Variants in ADK observed in about 807,000 individuals in gnomAD.
The protein encoded by ADK is N6,N6-dimethyladenosine kinase.
In ADK, 24 loss-of-function variants were observed where a neutral mutation model predicts 44.7. The ratio of observed to expected loss-of-function variants is 0.54; its 90% CI spans 0.39 to 0.76. The LOEUF (loss-of-function observed/expected upper bound fraction) is 0.76. Ranked by LOEUF, ADK falls within the 30% of genes least tolerant of loss-of-function variation. The probability of loss-of-function intolerance (pLI) is 0.00; values close to 1 mark genes in which losing one functional copy is unlikely to be tolerated. For synonymous variants in ADK, 128 were observed against 142.6 expected (o/e 0.90, Z 0.73); for missense variants, 321 against 425.1 (o/e 0.76, Z 2.15).
intron 4 of ADK, among the ~76,000 whole-genome samples, chr10:74,354,640 G>C (rs139569487): frequency 1.1e-4 from 17 of 152,250 alleles, no homozygotes; most frequent in African/African-American, 3.6e-4. Flanking sequence ...CGACCACCAG[G>C]TTTGGTGGGA....
At chr10:74,282,883 T>A (rs1156463835) in intron 3 of ADK, among the ~76,000 whole-genome samples, 3 of 152,192 alleles carry the variant, frequency 2.0e-5, no homozygotes, top group Non-Finnish European at 2.9e-5. Context: ...TGGTGTAGAA[T>A]GTATTTTTCC....
intron 3 of ADK, among the ~76,000 whole-genome samples, chr10:74,301,597 T>TAA (rs1840034443): frequency 6.6e-6 from 1 of 151,970 alleles, no homozygotes; most frequent in Admixed American, 6.6e-5. Context: ...TTCTTCTCAT[T>TAA]ACTAAACCTG....
chr10:74,413,389 A>G (rs1295848579), intron 6 of ADK, among the ~76,000 whole-genome samples: 1 of 152,224 alleles, frequency 6.6e-6, no homozygotes, highest in East Asian at 1.9e-4. Flanking sequence ...TTCATCAATG[A>G]TGTTGGCAAG....
chr10:74,372,345 A>G (rs1210656492), intron 4 of ADK: 5 of 746,850 alleles, frequency 6.7e-6, no homozygotes, highest in East Asian at 2.5e-5. Flanking sequence ...TGAGCCTGCC[A>G]CGGAAGGCTG....
intron 4 of ADK, among the ~76,000 whole-genome samples, chr10:74,375,666 G>A (rs1842797137): frequency 6.6e-6 from 1 of 151,984 alleles, no homozygotes; most frequent in African/African-American, 2.4e-5. Flanking sequence ...TTTTTAAACT[G>A]CTGGTCCTAC....
At chr10:74,432,653 C>T (rs1845042551) in intron 6 of ADK, among the ~76,000 whole-genome samples, 1 of 152,124 alleles carries the variant, frequency 6.6e-6, no homozygotes, top group African/African-American at 2.4e-5. Flanking sequence ...TCTATAACGT[C>T]TGTTACTTAT....
intron 4 of ADK, among the ~76,000 whole-genome samples, chr10:74,322,819 C>T (rs1465738484): frequency 6.6e-6 from 1 of 151,602 alleles, no homozygotes; most frequent in Non-Finnish European, 1.5e-5. Context: ...TTTCCCTTCT[C>T]CTCCTACCCT....
chr10:74,470,819 G>T (rs1294540464), intron 6 of ADK, among the ~76,000 whole-genome samples: 1 of 151,390 alleles, frequency 6.6e-6, no homozygotes, highest in Admixed American at 6.6e-5. Flanking sequence ...TCCTTTTGTT[G>T]CCCATGCTTT....
At chr10:74,259,581 C>T (rs1187912369) in intron 3 of ADK, among the ~76,000 whole-genome samples, 1 of 151,418 alleles carries the variant, frequency 6.6e-6, no homozygotes, top group Admixed American at 6.6e-5. Context: ...CTCAGCCTCC[C>T]AAGTAGCTGG....
intron 3 of ADK, among the ~76,000 whole-genome samples, chr10:74,237,740 T>C (rs10824125): frequency 0.17 from 25,988 of 152,152 alleles, 2,598 homozygotes; most frequent in African/African-American, 0.28. Flanking sequence ...GAAAACAGCA[T>C]TCATCTCCTT....
chr10:74,403,704 G>T (rs1843799500), intron 6 of ADK, among the ~76,000 whole-genome samples: 1 of 152,130 alleles, frequency 6.6e-6, no homozygotes, highest in Non-Finnish European at 1.5e-5. Context: ...CCCAGGTGAA[G>T]CGATGCCCCG....
chr10:74,677,813 T>G (rs1051096479), intron 10 of ADK, among the ~76,000 whole-genome samples: 1 of 151,412 alleles, frequency 6.6e-6, no homozygotes, highest in African/African-American at 2.4e-5. Context: ...AAATGAACAG[T>G]GAAATTGGCT....
chr10:74,388,035 A>AG (rs1205452386), intron 4 of ADK, among the ~76,000 whole-genome samples: 2 of 151,744 alleles, frequency 1.3e-5, no homozygotes, highest in African/African-American at 4.8e-5. Context: ...CAGCCTCCTG[A>AG]GTAGCTGGGA....
At chr10:74,669,858 T>C (rs886883801) in intron 9 of ADK, among the ~76,000 whole-genome samples, 1 of 152,192 alleles carries the variant, frequency 6.6e-6, no homozygotes, top group African/African-American at 2.4e-5. Flanking sequence ...CAACACTTCC[T>C]TTAGTTTATG....
At chr10:74,478,592 C>G (rs1029548119) in intron 6 of ADK, among the ~76,000 whole-genome samples, 1 of 152,166 alleles carries the variant, frequency 6.6e-6, no homozygotes, top group Non-Finnish European at 1.5e-5. Context: ...TAGTAACTCT[C>G]AGTTCCTTAT....
intron 6 of ADK, among the ~76,000 whole-genome samples, chr10:74,492,535 A>G (rs143195638): frequency 6.6e-6 from 1 of 152,368 alleles, no homozygotes; most frequent in East Asian, 1.9e-4. Context: ...GATGCTAACC[A>G]AAACAGATAA....
intron 6 of ADK, among the ~76,000 whole-genome samples, chr10:74,454,717 GA>G (rs1294162502): frequency 2.6e-5 from 4 of 152,190 alleles, no homozygotes; most frequent in Non-Finnish European, 5.9e-5. Flanking sequence ...CCTTCATAAG[GA>G]AATGAAGACC....
In ADK at chr10:74,599,140, C is replaced by T. The variant is rs57576317; in HGVS notation, c.763-1239C>T. Reference sequence around the variant, plus strand: ...CTGTTCTAAAATAAGCAACCGAAAGCGAAATAGTCAGCATGTTTGAAGTCA... The same window carrying T: ...CTGTTCTAAAATAAGCAACCGAAAGTGAAATAGTCAGCATGTTTGAAGTCA... On this transcript the variant is annotated intron_variant, in intron 8 of 10. Transcript: ENST00000539909. 8.3e-3 allele frequency among the ~76,000 whole-genome samples: 1,265 copies of T among 152,188 alleles called. 19 individuals carry two copies. The highest frequency in any genetic ancestry group is 0.028 in the African/African-American group (1,169 of 41,518).
intron 7 of ADK, among the ~76,000 whole-genome samples, chr10:74,574,866 C>T (rs6480740): frequency 0.036 from 5,406 of 152,220 alleles, 343 homozygotes; most frequent in African/African-American, 0.12. Flanking sequence ...AAAGATTCTA[C>T]TACTAGAATA....
Sources: gnomAD v4.1 joint callset for allele counts (sites outside exome capture counted in the v4.1 genomes callset) on GRCh38, gnomAD v4.1.1 for gene constraint, MANE v1.5 for transcripts, NCBI Gene and HGNC (gene_info 2026-07-23, HGNC 2026-07-21) for gene names.